Variants in RGS3 observed in about 807,000 individuals in gnomAD.
RGS3 encodes the protein regulator of G-protein signalling 3.
Under a neutral mutation model 132.6 loss-of-function variants are expected in RGS3, and 80 were observed. The ratio of observed to expected loss-of-function variants is 0.60; its 90% CI spans 0.50 to 0.73. RGS3 has a LOEUF of 0.73. Ranked by LOEUF, RGS3 falls within the 30% of genes least tolerant of loss-of-function variation. RGS3 has a pLI of 0.00. For synonymous variants in RGS3, 598 were observed against 620.6 expected, an observed-to-expected ratio of 0.96 and a Z score of 0.54; for missense variants, 1,382 against 1,530.8, an observed-to-expected ratio of 0.90 and a Z score of 1.62.
chr9:113,512,665 C>T (rs1264756622), intron 14 of RGS3, among the ~76,000 whole-genome samples: 1 of 152,128 alleles, frequency 6.6e-6, no homozygotes, highest in Admixed American at 6.5e-5. Context: ...GTTCCCCCCT[C>T]GCTGCCAGGG....
chr9:113,547,392 C>T (rs1833160041), intron 19 of RGS3, among the ~76,000 whole-genome samples: 1 of 152,176 alleles, frequency 6.6e-6, no homozygotes, highest in Admixed American at 6.5e-5. Context: ...CACATTACTG[C>T]CTCCTCTCCC....
chr9:113,482,961 A>C, intron 4 of RGS3, 98 bp from the exon 3 acceptor site: 2 of 1,598,408 alleles, frequency 1.3e-6, no homozygotes, highest in Non-Finnish European at 1.7e-6. Flanking sequence ...AGGTCTCTTT[A>C]TTCGTGTGGA....
intron 17 of RGS3, among the ~76,000 whole-genome samples, chr9:113,523,810 C>T (rs542141798): frequency 1.3e-5 from 2 of 152,240 alleles, no homozygotes; most frequent in Non-Finnish European, 2.9e-5. Flanking sequence ...AAAATATTAC[C>T]CAGTGAAAGA....
At chr9:113,533,336 T>A (rs990219515) in intron 18 of RGS3, among the ~76,000 whole-genome samples, 7 of 151,860 alleles carry the variant, frequency 4.6e-5, no homozygotes, top group African/African-American at 1.5e-4. Flanking sequence ...GTTCAAGCGA[T>A]TCTCCTGCCC....
At chr9:113,540,555 C>T (rs1289970264) in intron 19 of RGS3, among the ~76,000 whole-genome samples, 2 of 152,208 alleles carry the variant, frequency 1.3e-5, no homozygotes, top group Non-Finnish European at 2.9e-5. Context: ...GCCTCCTGCT[C>T]AGTACCCTTC....
At chr9:113,572,091 T>G (rs1249689134) in intron 19 of RGS3, among the ~76,000 whole-genome samples, 4 of 151,914 alleles carry the variant, frequency 2.6e-5, no homozygotes, top group African/African-American at 9.7e-5. Context: ...AGTGTGAGCA[T>G]AGGTTTAGAG....
At chr9:113,584,494 A>G in intron 20 of RGS3, 67 bp downstream of exon 18, 1 of 1,446,180 alleles carries the variant, frequency 6.9e-7, no homozygotes, top group Non-Finnish European at 9.1e-7. Context: ...CAGGGGCTGC[A>G]GGGAATGAGA....
chr9:113,579,240 C>T lies in RGS3; in HGVS notation c.2038-4210C>T, dbSNP rs1834676070. Among the ~76,000 whole-genome samples the T allele has an allele frequency of 6.6e-6, 1 of 152,180 alleles. No individual in the cohort carries two copies. The highest frequency in any genetic ancestry group is 2.1e-4 in the South Asian group (1 of 4,832). Reference sequence around the variant, plus strand: ...ATGTTGGACAAGTCACTTTCAGCAGCCCACCACTACCCTCAACCCAACATC... The same window carrying T: ...ATGTTGGACAAGTCACTTTCAGCAGTCCACCACTACCCTCAACCCAACATC... On this transcript the variant is annotated intron_variant, in intron 19 of 24. Transcript: ENST00000350696. This position sits in a 1 kb window ranked among gnomAD's most constrained non-coding sequence, Gnocchi z 4.3.
At chr9:113,555,254 T>C (rs1057239309) in intron 19 of RGS3, among the ~76,000 whole-genome samples, 3 of 152,212 alleles carry the variant, frequency 2.0e-5, no homozygotes, top group Non-Finnish European at 4.4e-5. Flanking sequence ...AAATTTCCTT[T>C]GGAGTTATAC....
At chr9:113,498,003 A>G (rs1477637842) in intron 9 of RGS3, 22 bp from the exon 8 acceptor site, 4 of 1,613,446 alleles carry the variant, frequency 2.5e-6, no homozygotes, top group East Asian at 2.2e-5. Context: ...AAGTTTTCTG[A>G]TTCTGCTCTG....
chr9:113,446,567 AT>A (rs1411243251), intron 1 of RGS3, among the ~76,000 whole-genome samples: 1 of 152,228 alleles, frequency 6.6e-6, no homozygotes, highest in Admixed American at 6.5e-5. Flanking sequence ...AGAAAAACAC[AT>A]TCCATCATTT....
In RGS3 at chr9:113,463,586, C is replaced by CG; in HGVS notation, c.415+1385_415+1386insG. 1 of 923,330 alleles carries CG rather than the reference C, an allele frequency of 1.1e-6. No individual in the cohort carries two copies. The highest frequency in any genetic ancestry group is 1.5e-6 in the Non-Finnish European group (1 of 684,398). The allele number at this position is 923,330 out of a possible 1,614,324, so 57.2% of individuals were successfully genotyped here. On this transcript the variant is annotated intron_variant, in intron 3 of 24. Transcript: ENST00000350696. This position sits in a 1 kb window ranked among gnomAD's most constrained non-coding sequence, Gnocchi z 4.6. ...GCTCAGCGCGGGTCGGCGGCGCCGC[C>CG]TCCCCCACCCCGGCCCAGCTCTGCT...
At chr9:113,490,846 A>G (rs551895777) in intron 7 of RGS3, among the ~76,000 whole-genome samples, 1 of 132,616 alleles carries the variant, frequency 7.5e-6, no homozygotes, top group South Asian at 2.2e-4. Context: ...ATATAATTAT[A>G]TATAACCTAA....
intron 1 of RGS3, among the ~76,000 whole-genome samples, chr9:113,447,323 G>GTATATATATATATATATATATATATA (rs1554750967): frequency 3.4e-5 from 1 of 29,422 alleles, no homozygotes; most frequent in Non-Finnish European, 6.8e-5. Context: ...TCTGATGTAT[G>GTATATATATATATATATATATATATA]TATATGTATA....
rs117056211 is a variant in RGS3 at position 113,569,158 on chromosome 9, G to A, written c.2038-14292G>A. ...CTGTCAGCGGCTCCCAACTTAGAAA[G>A]GGGGGTGTGTATTTGGAACTGGGCA... On this transcript the variant is annotated intron_variant, in intron 19 of 24. Coordinates refer to ENST00000350696, the Ensembl canonical transcript of RGS3. Among the ~76,000 whole-genome samples, 1,234 of 152,294 alleles carry A rather than the reference G, an allele frequency of 8.1e-3. 54 individuals carry two copies. Among genetic ancestry groups the A allele is most frequent in the Admixed American group, 0.056 (850 of 15,298 alleles).
intron 10 of RGS3, chr9:113,501,390 G>C (rs532211315): frequency 7.1e-7 from 1 of 1,401,438 alleles, no homozygotes; most frequent in Non-Finnish European, 9.3e-7. Context: ...GGAAGCCTTC[G>C]GGCTTATCGT....
At chr9:113,502,086 C>T (rs904118314) in intron 10 of RGS3, among the ~76,000 whole-genome samples, 3 of 152,240 alleles carry the variant, frequency 2.0e-5, no homozygotes. Context: ...GTATAACTTT[C>T]CTCTCCCCTA....
chr9:113,489,386 C>A (rs568547149), intron 7 of RGS3, among the ~76,000 whole-genome samples: 20 of 152,198 alleles, frequency 1.3e-4, no homozygotes, highest in Non-Finnish European at 1.9e-4. Flanking sequence ...AAGCTGACGC[C>A]AAGTCCAGGT....
intron 3 of RGS3, among the ~76,000 whole-genome samples, chr9:113,471,416 C>T (rs564624819): frequency 6.6e-6 from 1 of 152,244 alleles, no homozygotes; most frequent in Non-Finnish European, 1.5e-5. Context: ...CCTCCATTCC[C>T]CTAGATCCTG....
Sources: gnomAD v4.1 joint callset for allele counts (sites outside exome capture counted in the v4.1 genomes callset) on GRCh38, gnomAD v4.1.1 for gene constraint, Gnocchi (gnomAD v3.1) non-coding constraint, MANE v1.5 for transcripts, NCBI Gene and HGNC (gene_info 2026-07-23, HGNC 2026-07-21) for gene names.